Variants in KIF22 observed in about 807,000 individuals in gnomAD.
KIF22 encodes the protein kinesin family member 22, also known as kinesin-like protein KIF22.
KIF22 carries 62 observed loss-of-function variants against 73.0 expected under a neutral mutation model. That is an observed-to-expected ratio of 0.85 (90% CI 0.69 to 1.05). The LOEUF (loss-of-function observed/expected upper bound fraction) is 1.05. Among genes scored for constraint, KIF22 ranks in the 50% least tolerant of loss-of-function variants. The probability of loss-of-function intolerance (pLI) is 0.00; values close to 1 mark genes in which losing one functional copy is unlikely to be tolerated. For synonymous variants in KIF22, 411 were observed against 340.1 expected (o/e 1.21, Z -2.29); for missense variants, 854 against 870.1 (o/e 0.98, Z 0.23).
Position 29,804,079 on chromosome 16 carries a change from G to A in KIF22, c.1677+14G>A. 6.2e-7 allele frequency: 1 copy of A among 1,609,178 alleles called. No individual in the cohort carries two copies. The highest frequency in any genetic ancestry group is 8.5e-7 in the Non-Finnish European group (1 of 1,175,576). ...CGGAAGAGAAAGGTGAAAGTAGCTG[G>A]GGGCTTAGGCTACACCTGGAGCCCA... On this transcript the variant is annotated intron_variant, in intron 11 of 13. Coordinates refer to ENST00000160827, the MANE Select transcript of KIF22 (RefSeq NM_007317.3).
intron 8 of KIF22, among the ~76,000 whole-genome samples, chr16:29,801,464 T>C (rs1222896041): frequency 6.6e-6 from 1 of 152,178 alleles, no homozygotes; most frequent in African/African-American, 2.4e-5. Context: ...AAGAAGATGC[T>C]TGTGCACTCA....
rs752413453 is a variant in KIF22 at position 29,798,695 on chromosome 16, G to A, written c.497G>A (p.Arg166Gln). The A allele has an allele frequency of 4.2e-5, 68 of 1,614,044 alleles. No homozygotes were observed. Among genetic ancestry groups the A allele is most frequent in the Non-Finnish European group, 5.4e-5 (64 of 1,180,052 alleles). ...QLTREEGAEG[R>Q]PWALSVTMSY... ...ACAAGGGAGGAGGGTGCCGAGGGCCGGCCATGGGCCCTTTCTGTCACCATG... is the reference window on the plus strand; with the variant it reads ...ACAAGGGAGGAGGGTGCCGAGGGCCAGCCATGGGCCCTTTCTGTCACCATG... Residue 166 changes from arginine (R) to glutamine (Q), a missense_variant, in exon 4 of 14, where the codon CGG (arginine) becomes CAG (glutamine). This residue lies in a region of KIF22 where 245 missense variants were observed against 351.8 expected (regional missense o/e 0.70). Coordinates refer to ENST00000160827, the MANE Select transcript of KIF22 (RefSeq NM_007317.3). This position sits in a 1 kb window ranked among gnomAD's most constrained non-coding sequence, Gnocchi z 4.1.
In KIF22 at chr16:29,799,954, C is replaced by T; in HGVS notation, c.1186C>T (p.Pro396Ser). 1.9e-6 allele frequency: 3 copies of T among 1,614,196 alleles called. No individual in the cohort carries two copies. The highest frequency in any genetic ancestry group is 2.5e-6 in the Non-Finnish European group (3 of 1,180,040). Residue 396 changes from proline (P) to serine (S), a missense_variant, in exon 8 of 14, where the codon CCA becomes TCA. Coordinates refer to ENST00000160827, the MANE Select transcript of KIF22 (RefSeq NM_007317.3). ...VKLSQKELLG[P>S]PEAKRARGPE... ...GCTGTCTCAGAAAGAATTGCTTGGT[C>T]CACCAGAGGCAAAGAGAGCCCGAGG... is the stretch of plus-strand genomic sequence containing the variant.
At chr16:29,791,298 G>C (rs2142363028) in intron 1 of KIF22, 1 of 967,832 alleles carries the variant, frequency 1.0e-6, no homozygotes, top group South Asian at 4.7e-5. Flanking sequence ...AAGAGGACGG[G>C]CTGAGGAACA....
Position 29,803,132 on chromosome 16 carries a change from G to A in KIF22, c.1449+195G>A, listed in dbSNP as rs571966759. Reference sequence around the variant, plus strand: ...GACAATTGAGACCAGATGTGAGGGTGAGAAGAAAAAGTTCAAAGTAAAAGC... The same window carrying A: ...GACAATTGAGACCAGATGTGAGGGTAAGAAGAAAAAGTTCAAAGTAAAAGC... On this transcript the variant is annotated intron_variant, in intron 9 of 13. Transcript: ENST00000160827. 1.7e-4 allele frequency among the ~76,000 whole-genome samples: 26 copies of A among 152,200 alleles called. 1 individual carries two copies. In the South Asian group the frequency reaches 4.1e-3, roughly 24 times the overall value.
At chr16:29,801,711 A>AGCT (rs1391376368) in intron 8 of KIF22, among the ~76,000 whole-genome samples, 1 of 152,194 alleles carries the variant, frequency 6.6e-6, no homozygotes, top group Non-Finnish European at 1.5e-5. Flanking sequence ...AGGAAGGAGT[A>AGCT]GCTGCTGCTG....
In KIF22 at chr16:29,799,332, T is replaced by C. The variant is rs1319848985; in HGVS notation, c.828T>C (p.Ala276=). ...GAAAACTCTACCTGATTGACTTGGCTGGGTCAGAGGACAACCGGCGCACAG... is the reference window on the plus strand; with the variant it reads ...GAAAACTCTACCTGATTGACTTGGCCGGGTCAGAGGACAACCGGCGCACAG... ...REGKLYLIDL[A]GSEDNRRTGN... The change falls in exon 6 of 14, where the codon GCT becomes GCC. Residue 276 remains alanine, a synonymous_variant. Transcript: ENST00000160827. 1.2e-6 allele frequency: 2 copies of C among 1,614,212 alleles called. No individual in the cohort carries two copies. Among genetic ancestry groups the C allele is most frequent in the South Asian group, 1.1e-5 (1 of 91,082 alleles).
At chr16:29,796,205 A>T (rs955401259) in intron 1 of KIF22, among the ~76,000 whole-genome samples, 11 of 132,654 alleles carry the variant, frequency 8.3e-5, no homozygotes, top group African/African-American at 2.5e-4. Flanking sequence ...TGGGAGGTGG[A>T]GGTTGCAGTG....
At chr16:29,791,104 C>T in intron 1 of KIF22, 1 of 1,355,914 alleles carries the variant, frequency 7.4e-7, no homozygotes, top group Non-Finnish European at 9.5e-7. Context: ...TCTTTGTGAG[C>T]TTCGGTTTCT....
chr16:29,805,043 C>T lies in KIF22; in HGVS notation c.1890+17C>T. On this transcript the variant is annotated intron_variant, in intron 12 of 13. Coordinates refer to ENST00000160827, the MANE Select transcript of KIF22 (RefSeq NM_007317.3). ...TTCAGCCAGGTAGCAGCCCACTGGA[C>T]TGGGGGAGGGCGGGGGCGGGGGAGA... The T allele has an allele frequency of 1.3e-6, 1 of 784,410 alleles. No homozygotes were observed. The highest frequency in any genetic ancestry group is 1.3e-5 in the South Asian group (1 of 75,746). The allele number at this position is 784,410 out of a possible 1,614,324, so 48.6% of individuals were successfully genotyped here.
At chr16:29,793,476 G>T (rs1898871301) in intron 1 of KIF22, among the ~76,000 whole-genome samples, 1 of 152,182 alleles carries the variant, frequency 6.6e-6, no homozygotes, top group Non-Finnish European at 1.5e-5. Context: ...AACGTGGGCT[G>T]CAGTTGAGAG....
chr16:29,802,344 C>T (rs182161679), intron 8 of KIF22, among the ~76,000 whole-genome samples: 66 of 151,652 alleles, frequency 4.4e-4, no homozygotes, highest in Non-Finnish European at 2.9e-5. Flanking sequence ...TTGAACAGGC[C>T]TTCCCAGCTG....
chr16:29,790,870 G>A (rs1419962461), intron 1 of KIF22, 41 bp downstream of exon 1: 2 of 1,570,850 alleles, frequency 1.3e-6, no homozygotes, highest in East Asian at 2.3e-5. Context: ...ACCGACGTCT[G>A]GAGTTTAGTG....
In KIF22 at chr16:29,798,332, A is replaced by ACT. The variant is rs1899007143; in HGVS notation, c.267-41_267-40insTC. On this transcript the variant is annotated intron_variant, in intron 2 of 13. Coordinates refer to ENST00000160827, the MANE Select transcript of KIF22 (RefSeq NM_007317.3). This position sits in a 1 kb window ranked among gnomAD's most constrained non-coding sequence, Gnocchi z 4.1. The stretch of plus-strand genomic sequence containing the variant: ...ACCCCTTACACACACACACACACAC[A>ACT]CACACACACACACACGCTAATTTCT... 1 of 1,571,332 alleles carries ACT rather than the reference A, an allele frequency of 6.4e-7. No individual in the cohort carries two copies. Among genetic ancestry groups the ACT allele is most frequent in the African/African-American group, 1.4e-5 (1 of 70,430 alleles).
At position 29,796,975 on chromosome 16, in the gene KIF22, G is replaced by A. The variant is rs886694586; in HGVS notation, c.153G>A (p.Arg51=). The part of the protein sequence containing the change: ...PARVRVAVRL[R]PFVDGTAGAS... ...GCGTAAGGGTGGCTGTGCGACTGCGGCCATTTGTGGATGGAACAGCGGGAG... is the reference window on the plus strand; with the variant it reads ...GCGTAAGGGTGGCTGTGCGACTGCGACCATTTGTGGATGGAACAGCGGGAG... The change falls in exon 2 of 14, where the codon CGG becomes CGA. Residue 51 remains arginine, a synonymous_variant. Transcript: ENST00000160827. 2 of 1,614,066 alleles carry A rather than the reference G, an allele frequency of 1.2e-6. No homozygotes were observed. The highest frequency in any genetic ancestry group is 2.7e-5 in the African/African-American group (2 of 74,916).
intron 8 of KIF22, among the ~76,000 whole-genome samples, chr16:29,801,290 C>T (rs1899127960): frequency 6.6e-6 from 1 of 152,174 alleles, no homozygotes; most frequent in African/African-American, 2.4e-5. Flanking sequence ...TTGCGCTATT[C>T]CCTCCACCCC....
At position 29,796,851 on chromosome 16, in the gene KIF22, A is replaced by G. The variant is rs1436935123; in HGVS notation, c.71-42A>G. The G allele has an allele frequency of 2.5e-6, 4 of 1,599,972 alleles. No individual in the cohort carries two copies. In the African/African-American group the frequency reaches 4.0e-5, roughly 16 times the overall value. On this transcript the variant is annotated intron_variant, in intron 1 of 13. Transcript: ENST00000160827. The stretch of plus-strand genomic sequence containing the variant: ...AAAGTTGGTCCCTGCTTCTTCTGCT[A>G]CCACCATACTTCATGTCTAAAAGTG...
At position 29,804,805 on chromosome 16, in the gene KIF22, G is replaced by C. The variant is rs780989705; in HGVS notation, c.1678-9G>C. The C allele has an allele frequency of 1.3e-6, 2 of 1,594,056 alleles. No homozygotes were observed. Among genetic ancestry groups the C allele is most frequent in the East Asian group, 2.3e-5 (1 of 44,228 alleles). ...CCCTGCGTGTCACTCATCTCCCTTT[G>C]CCTCCCAGCTGGAGTCCCTGGATGC... On this transcript the variant is annotated splice_polypyrimidine_tract_variant and intron_variant, in intron 11 of 13. Coordinates refer to ENST00000160827, the MANE Select transcript of KIF22 (RefSeq NM_007317.3).
In KIF22 at chr16:29,804,635, C is replaced by T. The variant is rs1899284695; in HGVS notation, c.1678-179C>T. On this transcript the variant is annotated intron_variant, in intron 11 of 13. Coordinates refer to ENST00000160827, the MANE Select transcript of KIF22 (RefSeq NM_007317.3). Reference sequence around the variant, plus strand: ...GGTACTGAGTAGTACCTCTCTTTCACTAGTTGCATAATAAGAATTAACCCA... The same window carrying T: ...GGTACTGAGTAGTACCTCTCTTTCATTAGTTGCATAATAAGAATTAACCCA... The T allele has an allele frequency of 4.3e-6, 3 of 701,372 alleles. No individual in the cohort carries two copies. The East Asian group carries it at 8.1e-5, about 19-fold the overall frequency. The allele number at this position is 701,372 out of a possible 1,614,324, so 43.4% of individuals were successfully genotyped here.
Sources: allele counts gnomAD v4.1 joint callset (sites outside exome capture counted in the v4.1 genomes callset), GRCh38; gene constraint gnomAD v4.1.1; regional missense constraint gnomAD v4.1.1; non-coding constraint Gnocchi (gnomAD v3.1); transcripts MANE v1.5; gene names NCBI Gene and HGNC (gene_info 2026-07-23, HGNC 2026-07-21).